Variants in NTRK3 observed in about 807,000 individuals in gnomAD.
NTRK3 encodes NT-3 growth factor receptor.
A neutral mutation model predicts 91.7 loss-of-function variants in NTRK3; 24 were observed. The ratio of observed to expected loss-of-function variants is 0.26; its 90% CI spans 0.19 to 0.37. The LOEUF (loss-of-function observed/expected upper bound fraction) is 0.37, where lower values mean the gene tolerates loss of function less well. NTRK3 is among the 10% of genes least tolerant of loss of function. The pLI, the probability that NTRK3 is intolerant of heterozygous loss-of-function variation, is 1.00. For synonymous variants in NTRK3, 483 were observed against 404.0 expected, an observed-to-expected ratio of 1.20 and a Z score of -2.34; for missense variants, 880 against 1,068.9, an observed-to-expected ratio of 0.82 and a Z score of 2.46.
At position 88,240,632 on chromosome 15, in the gene NTRK3, TC is replaced by T. The variant is rs1232267878; in HGVS notation, c.248+15273del. On this transcript the variant is annotated intron_variant, in intron 3 of 18. Coordinates refer to ENST00000394480, the Ensembl canonical transcript of NTRK3. This position sits in a 1 kb window ranked among gnomAD's most constrained non-coding sequence, Gnocchi z 4.9. The stretch of plus-strand genomic sequence containing the variant: ...GGAGACAAACCTCAGCTCTGCCACT[TC>T]CTAGCAGAACCACCTAGGGCAAGCT... 6.6e-6 allele frequency among the ~76,000 whole-genome samples: 1 copy of T among 152,130 alleles called. No individual in the cohort carries two copies. The highest frequency in any genetic ancestry group is 1.5e-5 in the Non-Finnish European group (1 of 67,982).
chr15:87,965,397 G>A (rs991309873), intron 14 of NTRK3, among the ~76,000 whole-genome samples: 1 of 152,178 alleles, frequency 6.6e-6, no homozygotes, highest in Non-Finnish European at 1.5e-5. Context: ...ATGGGGAGCC[G>A]GGAAGGGGCA....
chr15:88,064,758 C>T (rs1465301032), intron 13 of NTRK3, among the ~76,000 whole-genome samples: 1 of 152,214 alleles, frequency 6.6e-6, no homozygotes, highest in East Asian at 1.9e-4. Context: ...GTCTCTGCTG[C>T]TGAGGTCCCA....
chr15:88,222,997 A>G (rs2050362865), intron 3 of NTRK3, among the ~76,000 whole-genome samples: 2 of 152,096 alleles, frequency 1.3e-5, no homozygotes, highest in South Asian at 4.1e-4. Flanking sequence ...CAAACCAAGA[A>G]GTGGGGAGAG....
At chr15:88,134,728 A>C (rs2041706862) in intron 10 of NTRK3, among the ~76,000 whole-genome samples, 1 of 152,200 alleles carries the variant, frequency 6.6e-6, no homozygotes, top group Non-Finnish European at 1.5e-5. Context: ...AATCATGACT[A>C]TTTCATAGAA....
intron 3 of NTRK3, among the ~76,000 whole-genome samples, chr15:88,190,388 G>A (rs891297048): frequency 2.6e-5 from 4 of 152,054 alleles, no homozygotes; most frequent in African/African-American, 9.7e-5. Context: ...ACATTTTCTT[G>A]ATGACCTTAC....
intron 17 of NTRK3, among the ~76,000 whole-genome samples, chr15:87,893,513 C>T (rs998140167): frequency 6.6e-6 from 1 of 152,242 alleles, no homozygotes; most frequent in African/African-American, 2.4e-5. Flanking sequence ...CCCTCCTCTT[C>T]TAAGCCAGCC....
chr15:87,880,454 ACAGAGTGAC>A (rs1327903432), intron 17 of NTRK3, 26 bp from the exon 19 acceptor site: 2 of 1,612,718 alleles, frequency 1.2e-6, no homozygotes, highest in Non-Finnish European at 1.7e-6. Context: ...ATAGAGGCAC[ACAGAGTGAC>A]CAGATGGCCA....
rs202200255 is a variant in NTRK3 at position 88,047,541 on chromosome 15, A to G, written c.1397-14496T>C. ...GTATTATTCTTGTACTGATGTCTAG[A>G]TCAGGTTATATTATTAAACTAGCCA... On this transcript the variant is annotated intron_variant, in intron 13 of 18. Transcript: ENST00000394480. 2.0e-4 allele frequency among the ~76,000 whole-genome samples: 31 copies of G among 152,328 alleles called. 1 individual carries two copies. In the East Asian group the frequency reaches 5.8e-3, roughly 28 times the overall value.
intron 3 of NTRK3, among the ~76,000 whole-genome samples, chr15:88,242,310 G>A (rs974960659): frequency 1.3e-5 from 2 of 152,146 alleles, no homozygotes; most frequent in Non-Finnish European, 2.9e-5. Context: ...CAACTTCCCA[G>A]CCAGGGGGCA....
intron 17 of NTRK3, 63 bp from the exon 18 acceptor site, chr15:87,885,798 C>T (rs908891511): frequency 1.4e-6 from 1 of 719,772 alleles, no homozygotes. Flanking sequence ...ATTCTTTATC[C>T]TCAGAAAAGG....
At chr15:88,171,372 A>G (rs954177583) in intron 5 of NTRK3, among the ~76,000 whole-genome samples, 9 of 152,208 alleles carry the variant, frequency 5.9e-5, no homozygotes, top group Admixed American at 2.0e-4. Flanking sequence ...CATAGAAGAC[A>G]TGGAGGGTCT....
chr15:87,908,021 T>G (rs1408811865), intron 17 of NTRK3, among the ~76,000 whole-genome samples: 2 of 152,192 alleles, frequency 1.3e-5, no homozygotes, highest in African/African-American at 4.8e-5. Flanking sequence ...GACCCTCTAC[T>G]CTGTGCAATT....
chr15:87,907,505 G>T (rs1180460978), intron 17 of NTRK3, among the ~76,000 whole-genome samples: 1 of 152,080 alleles, frequency 6.6e-6, no homozygotes, highest in Non-Finnish European at 1.5e-5. Flanking sequence ...CCATGCACCT[G>T]CCCATAAGAC....
chr15:88,174,100 G>T (rs1036311152), intron 5 of NTRK3, among the ~76,000 whole-genome samples: 1 of 152,082 alleles, frequency 6.6e-6, no homozygotes, highest in African/African-American at 2.4e-5. Flanking sequence ...GAATAAAGTG[G>T]GTAAAACTAA....
chr15:88,135,896 T>A lies in NTRK3; in HGVS notation c.907+3A>T. 6.2e-7 allele frequency: 1 copy of A among 1,614,082 alleles called. No homozygotes were observed. The highest frequency in any genetic ancestry group is 8.5e-7 in the Non-Finnish European group (1 of 1,179,972). On this transcript the variant is annotated splice_donor_region_variant and intron_variant, in intron 9 of 18. Coordinates refer to ENST00000394480, the Ensembl canonical transcript of NTRK3. Reference sequence around the variant, plus strand: ...GCCATCCCCCACAATAACATGCACTTACAGTAGACAGTGAGGGCAACACTG... The same window carrying A: ...GCCATCCCCCACAATAACATGCACTAACAGTAGACAGTGAGGGCAACACTG...
intron 13 of NTRK3, among the ~76,000 whole-genome samples, chr15:88,035,986 A>G (rs1310012198): frequency 6.6e-6 from 1 of 152,212 alleles, no homozygotes; most frequent in Non-Finnish European, 1.5e-5. Context: ...TAAATAAAAA[A>G]GGAAAGATAA....
chr15:88,123,715 A>G (rs1409119779), intron 13 of NTRK3, among the ~76,000 whole-genome samples: 2 of 152,224 alleles, frequency 1.3e-5, no homozygotes, highest in Non-Finnish European at 1.5e-5. Context: ...AAGGCAGGAC[A>G]ACTGGAAGCA....
Position 88,093,165 on chromosome 15 carries a change from T to G in NTRK3, c.1396+33106A>C, listed in dbSNP as rs139772512. ...TTTTTACCTCAACGTAAACATGAAT[T>G]TTTTTCCCTTAATAAGGAATCTCAA... On this transcript the variant is annotated intron_variant, in intron 13 of 18. Transcript: ENST00000394480. Among the ~76,000 whole-genome samples, 4 of 152,094 alleles carry G rather than the reference T, an allele frequency of 2.6e-5. No individual in the cohort carries two copies. The East Asian group carries it at 7.7e-4, about 29-fold the overall frequency.
chr15:87,923,334 G>C (rs1414845369), intron 17 of NTRK3, among the ~76,000 whole-genome samples: 1 of 152,114 alleles, frequency 6.6e-6, no homozygotes, highest in Non-Finnish European at 1.5e-5. Flanking sequence ...TTTCAGGCCA[G>C]GTCTATTAAC....
Sources: gnomAD v4.1 joint callset for allele counts (sites outside exome capture counted in the v4.1 genomes callset) on GRCh38, gnomAD v4.1.1 for gene constraint, Gnocchi (gnomAD v3.1) non-coding constraint, MANE v1.5 for transcripts, NCBI Gene and HGNC (gene_info 2026-07-23, HGNC 2026-07-21) for gene names.